The following BACH2 variants were observed in gnomAD, a reference collection of about 807,000 sequenced individuals.
BACH2 encodes the protein transcription regulator protein BACH2.
Under a neutral mutation model 61.8 loss-of-function variants are expected in BACH2, and 5 were observed. The observed-to-expected ratio is 0.08, with a 90% CI of 0.04 to 0.17. The LOEUF is 0.17. Ranked by LOEUF, BACH2 falls within the 10% of genes least tolerant of loss-of-function variation. The pLI is 1.00. For missense variants in BACH2, 824 were observed against 1,091.1 expected, an observed-to-expected ratio of 0.76 and a Z score of 3.45; for synonymous variants, 446 against 440.1, an observed-to-expected ratio of 1.01 and a Z score of -0.17.
chr6:90,286,558 T>G (rs1772022846), intron 1 of BACH2, among the ~76,000 whole-genome samples: 1 of 152,308 alleles, frequency 6.6e-6, no homozygotes, highest in Admixed American at 6.5e-5. Flanking sequence ...AAGAAAATGA[T>G]ACTACAATGA....
chr6:90,173,523 G>C (rs974070828), intron 4 of BACH2, among the ~76,000 whole-genome samples: 1 of 152,118 alleles, frequency 6.6e-6, no homozygotes, highest in Non-Finnish European at 1.5e-5. Flanking sequence ...ATGTGTAACA[G>C]CATAAATGAA....
intron 4 of BACH2, among the ~76,000 whole-genome samples, chr6:90,196,127 C>A (rs1267062108): frequency 7.0e-6 from 1 of 143,114 alleles, no homozygotes; most frequent in Non-Finnish European, 1.5e-5. Context: ...AATGCAAGTA[C>A]TTTTTTTTTT....
At position 90,156,975 on chromosome 6, in the gene BACH2, C is replaced by T. The variant is rs556169301; in HGVS notation, c.-162+49594G>A. Among the ~76,000 whole-genome samples the T allele has an allele frequency of 1.6e-4, 24 of 152,260 alleles. 1 individual carries two copies. The highest frequency in any genetic ancestry group is 3.2e-4 in the Non-Finnish European group (22 of 68,012). On this transcript the variant is annotated intron_variant, in intron 4 of 8. Transcript: ENST00000257749. The stretch of plus-strand genomic sequence containing the variant: ...ATGAGACCTTTGGAGAATTAACTAC[C>T]AAAGGGGATGAATCAGCTCACGTCT...
chr6:90,011,930 A>AATG (rs1491345075), intron 5 of BACH2, among the ~76,000 whole-genome samples: 2 of 98,770 alleles, frequency 2.0e-5, no homozygotes, highest in African/African-American at 3.1e-5. Flanking sequence ...AAAAAAAAAA[A>AATG]TATGTGTGTG....
chr6:90,059,676 G>A (rs1224407191), intron 5 of BACH2, among the ~76,000 whole-genome samples: 6 of 152,038 alleles, frequency 3.9e-5, no homozygotes, highest in Non-Finnish European at 5.9e-5. Context: ...ACATGCACAC[G>A]TATGTTTATT....
intron 5 of BACH2, among the ~76,000 whole-genome samples, chr6:90,073,081 A>G (rs890605192): frequency 1.3e-5 from 2 of 152,268 alleles, no homozygotes; most frequent in Non-Finnish European, 2.9e-5. Flanking sequence ...CCTCGCTCAC[A>G]GTCATCCATC....
At chr6:90,075,316 C>G (rs184616428) in intron 5 of BACH2, among the ~76,000 whole-genome samples, 2 of 152,272 alleles carry the variant, frequency 1.3e-5, no homozygotes, top group East Asian at 3.9e-4. Context: ...CACAGCCTTT[C>G]TATGCTGAGG....
chr6:90,242,360 C>G (rs763220803), intron 3 of BACH2, among the ~76,000 whole-genome samples: 1 of 152,132 alleles, frequency 6.6e-6, no homozygotes, highest in Non-Finnish European at 1.5e-5. Flanking sequence ...TCCAGACTGG[C>G]TTCTTTCACT....
chr6:90,227,782 C>T (rs1769963954), intron 3 of BACH2, among the ~76,000 whole-genome samples: 1 of 151,884 alleles, frequency 6.6e-6, no homozygotes, highest in Admixed American at 6.6e-5. Flanking sequence ...TAAAGGAAAA[C>T]AGAAACTCCT....
At chr6:90,154,654 C>T (rs1479858819) in intron 4 of BACH2, among the ~76,000 whole-genome samples, 1 of 152,144 alleles carries the variant, frequency 6.6e-6, no homozygotes, top group Admixed American at 6.5e-5. Flanking sequence ...AGCACTGCAC[C>T]TTCTGAATCT....
chr6:90,261,309 CCTGT>C (rs1173175715), intron 2 of BACH2, among the ~76,000 whole-genome samples: 34 of 152,294 alleles, frequency 2.2e-4, no homozygotes, highest in African/African-American at 8.2e-4. Context: ...CCTTCTTCTT[CCTGT>C]CTAATGGATT....
chr6:90,191,456 T>C lies in BACH2; in HGVS notation c.-162+15113A>G, dbSNP rs7745525. Among the ~76,000 whole-genome samples, 973 of 152,348 alleles carry C rather than the reference T, an allele frequency of 6.4e-3. 13 individuals are homozygous for C. Among genetic ancestry groups the C allele is most frequent in the African/African-American group, 0.022 (927 of 41,578 alleles). On this transcript the variant is annotated intron_variant, in intron 4 of 8. Coordinates refer to ENST00000257749, the MANE Select transcript of BACH2 (RefSeq NM_021813.4). ...ATTCTTTTAAGAACTAAAACATTCA[T>C]TCTGGGATTTTGTATTTGTGTTTAG...
At chr6:89,980,323 C>T (rs1775881992) in intron 6 of BACH2, among the ~76,000 whole-genome samples, 2 of 151,840 alleles carry the variant, frequency 1.3e-5, no homozygotes, top group Admixed American at 6.6e-5. Context: ...TTTTAGGGGA[C>T]GATCCTCATT....
chr6:89,981,030 T>C (rs572886861), intron 6 of BACH2, among the ~76,000 whole-genome samples: 1 of 152,118 alleles, frequency 6.6e-6, no homozygotes, highest in Non-Finnish European at 1.5e-5. Flanking sequence ...CTTAATTAGA[T>C]ATTGGTATTT....
At chr6:90,097,028 G>A (rs997536967) in intron 4 of BACH2, among the ~76,000 whole-genome samples, 1 of 152,186 alleles carries the variant, frequency 6.6e-6, no homozygotes, top group Non-Finnish European at 1.5e-5. Flanking sequence ...TGCATCCCTA[G>A]TCCAGCCTGA....
intron 4 of BACH2, among the ~76,000 whole-genome samples, chr6:90,185,135 T>A (rs1031361577): frequency 4.6e-5 from 7 of 152,040 alleles, no homozygotes; most frequent in African/African-American, 1.7e-4. Flanking sequence ...GCCTGATAAG[T>A]CAATGGGGGG....
chr6:89,944,581 G>A (rs1773621150), intron 7 of BACH2, among the ~76,000 whole-genome samples: 1 of 152,170 alleles, frequency 6.6e-6, no homozygotes, highest in Non-Finnish European at 1.5e-5. Flanking sequence ...TACAACATGT[G>A]TCTCAAAGTC....
chr6:90,170,373 C>T (rs1181361241), intron 4 of BACH2, among the ~76,000 whole-genome samples: 1 of 152,154 alleles, frequency 6.6e-6, no homozygotes, highest in Non-Finnish European at 1.5e-5. Flanking sequence ...ACCTATTTAT[C>T]TTGTTAACTG....
At chr6:90,188,903 C>T (rs1390090089) in intron 4 of BACH2, among the ~76,000 whole-genome samples, 1 of 151,820 alleles carries the variant, frequency 6.6e-6, no homozygotes, top group Admixed American at 6.6e-5. Flanking sequence ...TGTGGGCTCA[C>T]CCTGGAGAAT....
Sources: allele counts gnomAD v4.1 joint callset (sites outside exome capture counted in the v4.1 genomes callset), GRCh38; gene constraint gnomAD v4.1.1; transcripts MANE v1.5; gene names NCBI Gene and HGNC (gene_info 2026-07-23, HGNC 2026-07-21).